CNTNAP4: variants seen among roughly 807,000 people sequenced by gnomAD.
The protein encoded by CNTNAP4 is contactin-associated protein-like 4.
In CNTNAP4, 98 loss-of-function variants were observed where a neutral mutation model predicts 148.4. The observed-to-expected ratio is 0.66, with a 90% confidence interval of 0.56 to 0.78. The LOEUF is 0.78. Ranked by LOEUF, CNTNAP4 falls within the 30% of genes least tolerant of loss-of-function variation. The pLI is 0.00. For synonymous variants in CNTNAP4, 730 were observed against 565.1 expected (o/e 1.29, Z -4.14); for missense variants, 1,935 against 1,565.6 (o/e 1.24, Z -3.98).
intron 19 of CNTNAP4, among the ~76,000 whole-genome samples, chr16:76,539,080 G>A (rs1334479262): frequency 1.3e-5 from 2 of 151,986 alleles, no homozygotes; most frequent in East Asian, 1.9e-4. Flanking sequence ...TTCTTACTGT[G>A]CATTTTGAGC....
intron 3 of CNTNAP4, among the ~76,000 whole-genome samples, chr16:76,364,749 T>G (rs1323160153): frequency 6.6e-6 from 1 of 152,212 alleles, no homozygotes; most frequent in Non-Finnish European, 1.5e-5. Context: ...ATTTTCCATC[T>G]TTAATTTATA....
At chr16:76,287,020 A>T (rs1958916697) in intron 1 of CNTNAP4, among the ~76,000 whole-genome samples, 1 of 152,190 alleles carries the variant, frequency 6.6e-6, no homozygotes, top group South Asian at 2.1e-4. Context: ...GTACTTTAAC[A>T]TGACAACTGT....
At chr16:76,529,691 A>G (rs985719787) in intron 17 of CNTNAP4, among the ~76,000 whole-genome samples, 5 of 152,236 alleles carry the variant, frequency 3.3e-5, no homozygotes, top group Non-Finnish European at 7.3e-5. Flanking sequence ...CCCCTGACAT[A>G]GTCAGAAGTA....
intron 9 of CNTNAP4, among the ~76,000 whole-genome samples, chr16:76,463,111 C>T (rs1398372655): frequency 6.6e-6 from 1 of 152,138 alleles, no homozygotes; most frequent in Non-Finnish European, 1.5e-5. Flanking sequence ...TACTTGTTTC[C>T]TTTACTGAGA....
chr16:76,341,552 G>A (rs1218692930), intron 2 of CNTNAP4, among the ~76,000 whole-genome samples: 1 of 152,156 alleles, frequency 6.6e-6, no homozygotes, highest in Admixed American at 6.5e-5. Flanking sequence ...CAGTCCGAAT[G>A]AATGGAAGGC....
intron 15 of CNTNAP4, among the ~76,000 whole-genome samples, chr16:76,511,220 A>G (rs2083013677): frequency 6.6e-6 from 1 of 152,080 alleles, no homozygotes; most frequent in Non-Finnish European, 1.5e-5. Flanking sequence ...TTACATTGAA[A>G]TTTTATGTTT....
chr16:76,479,377 C>G (rs896821651), intron 11 of CNTNAP4, 42 bp from the exon 12 acceptor site: 2 of 1,503,994 alleles, frequency 1.3e-6, no homozygotes, highest in East Asian at 2.4e-5. Flanking sequence ...TTAAGAGATT[C>G]ATTTCATGCT....
intron 3 of CNTNAP4, among the ~76,000 whole-genome samples, chr16:76,370,632 T>G (rs1027952963): frequency 7.2e-5 from 11 of 152,072 alleles, no homozygotes; most frequent in African/African-American, 2.4e-4. Flanking sequence ...AGGGAAAGGG[T>G]GACACGTGGT....
rs1237699026 is a variant in CNTNAP4, at chr16:76,508,599, A to G, written c.2365+9905A>G. ...GCAAGAAACTTGATCAATGTGAGGG[A>G]ACAAAAATTGTTTTTAGTACTTTCA... On this transcript the variant is annotated intron_variant, in intron 15 of 23. Coordinates refer to ENST00000611870, the MANE Select transcript of CNTNAP4 (RefSeq NM_033401.5). Among the ~76,000 whole-genome samples, 13 of 93,564 alleles carry G rather than the reference A, an allele frequency of 1.4e-4. 2 individuals carry two copies. The highest frequency in any genetic ancestry group is 3.4e-4 in the African/African-American group (13 of 38,068). 61.4% of individuals were successfully genotyped at this position (93,564 alleles called of 152,430 possible). A position where few individuals can be genotyped will look rare whatever the true frequency, so the allele number is the denominator to read the frequency against.
In CNTNAP4 at chr16:76,448,142, C is replaced by T. The variant is rs771304328; in HGVS notation, c.669C>T (p.His223=). ...TGCAGAGTGATGGGATTCTACTCCA[C>T]AGGGAAGGGCCAAATGGAGATCACA... is the stretch of plus-strand genomic sequence containing the variant. ...KTMQSDGILL[H]REGPNGDHIT... The change falls in exon 5 of 24, where the codon CAC becomes CAT. Residue 223 remains histidine, a synonymous_variant. Coordinates refer to ENST00000611870, the MANE Select transcript of CNTNAP4 (RefSeq NM_033401.5). 1.2e-6 allele frequency: 2 copies of T among 1,613,388 alleles called. No individual in the cohort carries two copies. The highest frequency in any genetic ancestry group is 1.7e-6 in the Non-Finnish European group (2 of 1,179,434).
chr16:76,307,975 C>T (rs567863404), intron 1 of CNTNAP4, among the ~76,000 whole-genome samples: 7 of 152,178 alleles, frequency 4.6e-5, no homozygotes, highest in Non-Finnish European at 1.0e-4. Context: ...TATATAAATT[C>T]TACTCATGTC....
chr16:76,557,251 T>G (rs2085235778), intron 23 of CNTNAP4: 2 of 152,226 alleles, frequency 1.3e-5, no homozygotes, highest in African/African-American at 4.8e-5. Context: ...ATTGTTTTTC[T>G]TGAAGTGACA....
intron 3 of CNTNAP4, among the ~76,000 whole-genome samples, chr16:76,406,325 C>A (rs2078598688): frequency 6.6e-6 from 1 of 152,046 alleles, no homozygotes; most frequent in African/African-American, 2.4e-5. Context: ...TGTTCTGACT[C>A]CTCCACCAAC....
At chr16:76,318,181 T>C (rs1474190027) in intron 2 of CNTNAP4, among the ~76,000 whole-genome samples, 1 of 152,200 alleles carries the variant, frequency 6.6e-6, no homozygotes, top group African/African-American at 2.4e-5. Flanking sequence ...TCTGTGCTTC[T>C]TTATAGAGAA....
intron 11 of CNTNAP4, among the ~76,000 whole-genome samples, chr16:76,478,564 G>A (rs939873991): frequency 1.3e-5 from 2 of 152,114 alleles, no homozygotes; most frequent in South Asian, 4.1e-4. Flanking sequence ...CAAATATTCA[G>A]GGGATTATTT....
intron 3 of CNTNAP4, among the ~76,000 whole-genome samples, chr16:76,422,185 C>T (rs1428402324): frequency 6.6e-6 from 1 of 152,012 alleles, no homozygotes; most frequent in African/African-American, 2.4e-5. Context: ...TGGAAATCAC[C>T]AAGTCTAAAA....
At chr16:76,309,985 G>A (rs771189502) in intron 1 of CNTNAP4, 44 of 672,476 alleles carry the variant, frequency 6.5e-5, no homozygotes, top group Admixed American at 1.1e-4. Flanking sequence ...CTAAAACAGG[G>A]GCCAGTTGCT....
At chr16:76,408,266 G>C (rs1276473796) in intron 3 of CNTNAP4, among the ~76,000 whole-genome samples, 1 of 67,458 alleles carries the variant, frequency 1.5e-5, no homozygotes, top group African/African-American at 3.2e-5. Context: ...CTGTACCTAT[G>C]ATAAGTAAAG....
Position 76,353,545 on chromosome 16 carries a change from T to A in CNTNAP4, c.197-1773T>A, listed in dbSNP as rs113074653. On this transcript the variant is annotated intron_variant, in intron 2 of 23. Coordinates refer to ENST00000611870, the MANE Select transcript of CNTNAP4 (RefSeq NM_033401.5). ...TCTCACCCTTTGCGGTTGTTAAGCA[T>A]CATTGCTGGGACAGGTACCAGACAA... 1.4e-3 allele frequency among the ~76,000 whole-genome samples: 215 copies of A among 152,268 alleles called. 2 individuals are homozygous for A. The highest frequency in any genetic ancestry group is 5.0e-3 in the African/African-American group (207 of 41,558).
Sources: allele counts gnomAD v4.1 joint callset (sites outside exome capture counted in the v4.1 genomes callset), GRCh38; gene constraint gnomAD v4.1.1; transcripts MANE v1.5; gene names NCBI Gene and HGNC (gene_info 2026-07-23, HGNC 2026-07-21).